Variants in CHD7 observed in about 807,000 individuals in gnomAD.
CHD7 encodes ATP-dependent chromatin remodeler CHD7.
Under a neutral mutation model 307.3 loss-of-function variants are expected in CHD7, and 24 were observed. The observed-to-expected ratio is 0.08, with a 90% CI of 0.06 to 0.11. The LOEUF (loss-of-function observed/expected upper bound fraction) is 0.11. CHD7 is among the 10% of genes least tolerant of loss of function. The pLI, the probability that CHD7 is intolerant of heterozygous loss-of-function variation, is 1.00. For missense variants in CHD7, 3,106 were observed against 3,727.1 expected (o/e 0.83, Z 4.34); for synonymous variants, 1,363 against 1,349.9 (o/e 1.01, Z -0.21).
chr8:60,851,157 C>G (rs895932571), intron 27 of CHD7, 53 bp downstream of exon 27: 2 of 1,471,958 alleles, frequency 1.4e-6, no homozygotes, highest in Non-Finnish European at 1.9e-6. Flanking sequence ...ATTATATGCC[C>G]ACATAAGACT....
At chr8:60,715,330 T>C (rs1170668475) in intron 1 of CHD7, among the ~76,000 whole-genome samples, 1 of 150,950 alleles carries the variant, frequency 6.6e-6, no homozygotes, top group African/African-American at 2.4e-5. Flanking sequence ...CTCTGCCTTT[T>C]TTTTTTTTTT....
At chr8:60,857,454 T>A (rs1805767006) in intron 34 of CHD7, among the ~76,000 whole-genome samples, 1 of 152,218 alleles carries the variant, frequency 6.6e-6, no homozygotes, top group African/African-American at 2.4e-5. Context: ...TCAAAATGAT[T>A]TTCTTTCTTA....
intron 13 of CHD7, among the ~76,000 whole-genome samples, chr8:60,827,989 T>C (rs1804332875): frequency 6.6e-6 from 1 of 152,070 alleles, no homozygotes; most frequent in Non-Finnish European, 1.5e-5. Flanking sequence ...CTGTATTGCA[T>C]ATATGAAAAT....
Position 60,816,508 on chromosome 8 carries a change from C to T in CHD7, c.2613+7C>T. On this transcript the variant is annotated splice_region_variant and intron_variant, in intron 8 of 37. Transcript: ENST00000423902. ...GAACAAGTTCCTTTCAGAGGTACGA[C>T]ATACCTGCTTACTTTTCCAAAGTAT... is the stretch of plus-strand genomic sequence containing the variant. 6.9e-7 allele frequency: 1 copy of T among 1,458,314 alleles called. No homozygotes were observed. Among genetic ancestry groups the T allele is most frequent in the Non-Finnish European group, 9.5e-7 (1 of 1,051,122 alleles). 90.3% of individuals were successfully genotyped at this position (1,458,314 alleles called of 1,614,324 possible).
At position 60,832,546 on chromosome 8, in the gene CHD7, C is replaced by T. The variant is rs184208993; in HGVS notation, c.3778+1969C>T. ...CGTGTGTGCATGCACTGTGCACATA[C>T]ATGTGTTTGCATTTAATAGCTGGTA... is the stretch of plus-strand genomic sequence containing the variant. On this transcript the variant is annotated intron_variant, in intron 15 of 37. Transcript: ENST00000423902. Among the ~76,000 whole-genome samples the T allele has an allele frequency of 2.2e-3, 334 of 152,162 alleles. 2 individuals carry two copies. Among genetic ancestry groups the T allele is most frequent in the African/African-American group, 7.8e-3 (323 of 41,500 alleles).
intron 13 of CHD7, among the ~76,000 whole-genome samples, chr8:60,827,287 A>G (rs776613859): frequency 2.2e-4 from 34 of 151,930 alleles, no homozygotes; most frequent in Admixed American, 1.7e-3. Flanking sequence ...CTTTTTTCGA[A>G]TAAGTTTATT....
chr8:60,829,499 G>T (rs1804403073), intron 14 of CHD7, among the ~76,000 whole-genome samples: 1 of 152,178 alleles, frequency 6.6e-6, no homozygotes, highest in African/African-American at 2.4e-5. Context: ...TACTCTGGAC[G>T]CTGAGGCAGG....
At position 60,741,830 on chromosome 8, in the gene CHD7, G is replaced by A; in HGVS notation, c.398G>A (p.Arg133Lys). 1 of 1,613,912 alleles carries A rather than the reference G, an allele frequency of 6.2e-7. No individual in the cohort carries two copies. The highest frequency in any genetic ancestry group is 8.5e-7 in the Non-Finnish European group (1 of 1,179,868). Reference protein sequence around the residue: ...MGVYPGMQNERHGQSFVDSSS... With the variant: ...MGVYPGMQNEKHGQSFVDSSS... The stretch of plus-strand genomic sequence containing the variant: ...GTCTACCCTGGCATGCAGAATGAGA[G>A]GCATGGGCAATCCTTTGTGGACAGC... The change falls in exon 2 of 38, where the codon AGG (arginine) becomes AAG (lysine). Residue 133 changes from arginine (R) to lysine (K), a missense_variant. Arg to Lys is a conservative substitution (Grantham distance 26, BLOSUM62 2). Transcript: ENST00000423902.
At chr8:60,848,350 C>T (rs1805302656) in intron 23 of CHD7, among the ~76,000 whole-genome samples, 165 bp from the exon 24 acceptor site, 1 of 152,222 alleles carries the variant, frequency 6.6e-6, no homozygotes. Context: ...AAGCACCACA[C>T]AGAGGTGATT....
chr8:60,812,033 A>G (rs1280701964), intron 7 of CHD7, among the ~76,000 whole-genome samples: 1 of 152,162 alleles, frequency 6.6e-6, no homozygotes, highest in Non-Finnish European at 1.5e-5. Context: ...CTCTTTATAT[A>G]TAAGGGATAT....
intron 2 of CHD7, among the ~76,000 whole-genome samples, chr8:60,771,895 G>C (rs983783509): frequency 6.6e-6 from 1 of 152,142 alleles, no homozygotes; most frequent in Non-Finnish European, 1.5e-5. Flanking sequence ...CTTTAAAAGT[G>C]TCCCCCAGTC....
rs1440255735 is a variant in CHD7 at position 60,867,245 on chromosome 8, G to A, written c.*1312G>A. ...GAACAAAAGGGCAAAAGAAAAATGA[G>A]GCTTTAACAGGCACAATATCTAGGT... On this transcript the variant is annotated 3_prime_UTR_variant, in exon 38 of 38. Coordinates refer to ENST00000423902, the MANE Select transcript of CHD7 (RefSeq NM_017780.4). 6.6e-6 allele frequency: 1 copy of A among 152,194 alleles called. No individual in the cohort carries two copies. Among genetic ancestry groups the A allele is most frequent in the Non-Finnish European group, 1.5e-5 (1 of 68,038 alleles). The allele number at this position is 152,194 out of a possible 1,614,324, so 9.4% of individuals were successfully genotyped here. A position where few individuals can be genotyped will look rare whatever the true frequency, so the allele number is the denominator to read the frequency against.
intron 1 of CHD7, among the ~76,000 whole-genome samples, chr8:60,702,948 A>T (rs1674866802): frequency 6.6e-6 from 1 of 152,182 alleles, no homozygotes; most frequent in African/African-American, 2.4e-5. Context: ...GCTTGTTGAC[A>T]TGGTGGCAGA....
chr8:60,850,686 C>T, intron 26 of CHD7, 64 bp downstream of exon 26: 1 of 1,498,066 alleles, frequency 6.7e-7, no homozygotes, highest in Non-Finnish European at 9.1e-7. Flanking sequence ...TGGCAGGGTT[C>T]AGTTCTTACC....
intron 7 of CHD7, among the ~76,000 whole-genome samples, chr8:60,810,356 T>G (rs778486457): frequency 6.6e-6 from 1 of 150,668 alleles, no homozygotes; most frequent in Non-Finnish European, 1.5e-5. Context: ...TCCCTCTCAG[T>G]GGATAGGACT....
intron 1 of CHD7, among the ~76,000 whole-genome samples, chr8:60,725,126 C>G (rs1281784601): frequency 6.6e-6 from 1 of 152,238 alleles, no homozygotes; most frequent in Non-Finnish European, 1.5e-5. Context: ...GGCGGGAACA[C>G]CTAGCCCAGG....
Position 60,781,442 on chromosome 8 carries a change from G to A in CHD7, c.2096+12G>A, listed in dbSNP as rs1322487963. The A allele has an allele frequency of 8.6e-6, 13 of 1,510,984 alleles. No homozygotes were observed. The highest frequency in any genetic ancestry group is 1.1e-5 in the Non-Finnish European group (13 of 1,137,642). 93.6% of individuals were successfully genotyped at this position (1,510,984 alleles called of 1,614,324 possible). A position where few individuals can be genotyped will look rare whatever the true frequency, so the allele number is the denominator to read the frequency against. ...AGCAAAAAGTCAAGGTAGGCTGTGGGCAGAAAAAACAACTGCAAAACATTG... is the reference window on the plus strand; with the variant it reads ...AGCAAAAAGTCAAGGTAGGCTGTGGACAGAAAAAACAACTGCAAAACATTG... On this transcript the variant is annotated intron_variant, in intron 3 of 37. Transcript: ENST00000423902.
In CHD7 at chr8:60,757,951, T is replaced by C. The variant is rs1453068157; in HGVS notation, c.1665+14854T>C. Among the ~76,000 whole-genome samples the C allele has an allele frequency of 4.6e-5, 7 of 152,238 alleles. No individual in the cohort carries two copies. In the East Asian group the frequency reaches 1.3e-3, roughly 29 times the overall value. ...TTTAAAGTAATAGTTCTCAAATGTT[T>C]TAGTTTTGAAATCCTGATGCTCTTA... On this transcript the variant is annotated intron_variant, in intron 2 of 37. Transcript: ENST00000423902.
At chr8:60,740,195 G>T (rs111809931) in intron 1 of CHD7, among the ~76,000 whole-genome samples, 1 of 152,214 alleles carries the variant, frequency 6.6e-6, no homozygotes, top group Non-Finnish European at 1.5e-5. Flanking sequence ...AGCACGTAGG[G>T]TGCGAACACA....
Sources: gnomAD v4.1 joint callset for allele counts (sites outside exome capture counted in the v4.1 genomes callset) on GRCh38, gnomAD v4.1.1 for gene constraint, MANE v1.5 for transcripts, NCBI Gene and HGNC (gene_info 2026-07-23, HGNC 2026-07-21) for gene names.